The following COL9A1 variants were observed in gnomAD, a reference collection of about 807,000 sequenced individuals.
The protein encoded by COL9A1 is collagen type IX alpha 1 chain.
COL9A1 carries 104 observed loss-of-function variants against 142.6 expected under a neutral mutation model. The ratio of observed to expected loss-of-function variants is 0.73; its 90% confidence interval spans 0.62 to 0.86. The LOEUF is 0.86. COL9A1 is among the 40% of genes least tolerant of loss of function. The pLI, the probability that COL9A1 is intolerant of heterozygous loss-of-function variation, is 0.00. For missense variants in COL9A1, 1,210 were observed against 1,176.6 expected, an observed-to-expected ratio of 1.03 and a Z score of -0.42; for synonymous variants, 466 against 396.0, an observed-to-expected ratio of 1.18 and a Z score of -2.10.
intron 28 of COL9A1, 123 bp downstream of exon 28, chr6:70,251,997 G>A (rs1433858341): frequency 5.9e-6 from 6 of 1,013,190 alleles, no homozygotes; most frequent in Non-Finnish European, 9.5e-6. Context: ...CTCCTTGTGT[G>A]TCTTGGACTA....
At chr6:70,286,768 C>T (rs1271908308) in intron 5 of COL9A1, among the ~76,000 whole-genome samples, 4 of 152,142 alleles carry the variant, frequency 2.6e-5, no homozygotes, top group East Asian at 3.9e-4. Context: ...AGACTAAACC[C>T]GGCTGTTCCA....
chr6:70,266,829 T>C, intron 17 of COL9A1, 59 bp from the exon 18 acceptor site: 1 of 1,387,828 alleles, frequency 7.2e-7, no homozygotes, highest in Non-Finnish European at 1.0e-6. Context: ...ATCAGAAGGC[T>C]CATAAAGTGA....
chr6:70,280,084 T>C (rs1289400122), intron 10 of COL9A1: 2 of 670,082 alleles, frequency 3.0e-6, no homozygotes, highest in Non-Finnish European at 5.6e-6. Context: ...TGAAGTCATT[T>C]TACTCTGAAG....
chr6:70,252,245 G>C lies in COL9A1; in HGVS notation c.1818+17C>G. 1 of 1,614,156 alleles carries C rather than the reference G, an allele frequency of 6.2e-7. No homozygotes were observed. Among genetic ancestry groups the C allele is most frequent in the Middle Eastern group, 1.6e-4 (1 of 6,062 alleles). On this transcript the variant is annotated intron_variant, in intron 27 of 37. Coordinates refer to ENST00000357250, the MANE Select transcript of COL9A1 (RefSeq NM_001851.6). ...ACAACAGGTTAGAACTTCAGGAGAGGTAAAATGGTGTCTTACCGGTTTGCC... is the reference window on the plus strand; with the variant it reads ...ACAACAGGTTAGAACTTCAGGAGAGCTAAAATGGTGTCTTACCGGTTTGCC...
intron 2 of COL9A1, 112 bp downstream of exon 2, chr6:70,301,889 T>G (rs1012965124): frequency 2.7e-5 from 23 of 844,104 alleles, no homozygotes; most frequent in African/African-American, 6.8e-5. Flanking sequence ...GATTGAAGAG[T>G]GAGGGTGTGA....
chr6:70,300,464 A>AAATAG, intron 2 of COL9A1, 78 bp from the exon 3 acceptor site: 1 of 558,594 alleles, frequency 1.8e-6, no homozygotes, highest in Non-Finnish European at 2.7e-6. Flanking sequence ...AAATAAAATA[A>AAATAG]TAATAATAAT....
chr6:70,239,777 T>A (rs9446214), intron 32 of COL9A1, among the ~76,000 whole-genome samples: 11,569 of 152,176 alleles, frequency 0.076, 486 homozygotes, highest in African/African-American at 0.11. Flanking sequence ...CTAATGCTAG[T>A]TATAAACTCA....
chr6:70,280,309 C>A (rs942878031), intron 10 of COL9A1: 15 of 1,216,656 alleles, frequency 1.2e-5, no homozygotes, highest in Middle Eastern at 3.3e-4. Context: ...GTGCATCTTT[C>A]TTTTTCACAT....
intron 17 of COL9A1, among the ~76,000 whole-genome samples, chr6:70,267,868 G>A (rs1217425513): frequency 1.3e-5 from 2 of 152,130 alleles, no homozygotes; most frequent in Admixed American, 6.5e-5. Context: ...GCAGTTGAGG[G>A]AACCCACCAA....
At chr6:70,242,540 A>T in intron 29 of COL9A1, 122 bp downstream of exon 29, 1 of 890,604 alleles carries the variant, frequency 1.1e-6, no homozygotes, top group Non-Finnish European at 1.9e-6. Flanking sequence ...TTGTTCTCAT[A>T]TTCACATAAC....
chr6:70,270,740 C>T (rs963474290), intron 14 of COL9A1, among the ~76,000 whole-genome samples: 1 of 152,176 alleles, frequency 6.6e-6, no homozygotes, highest in African/African-American at 2.4e-5. Flanking sequence ...TTCTGCTAAC[C>T]AGTGCAAAAG....
chr6:70,247,981 G>A (rs148040538), intron 28 of COL9A1, among the ~76,000 whole-genome samples: 10 of 152,304 alleles, frequency 6.6e-5, no homozygotes, highest in African/African-American at 2.4e-4. Context: ...GACTACGAGA[G>A]AAAGTAGACA....
At chr6:70,222,189 A>G (rs969903924) in intron 37 of COL9A1, among the ~76,000 whole-genome samples, 1 of 152,206 alleles carries the variant, frequency 6.6e-6, no homozygotes, top group Non-Finnish European at 1.5e-5. Context: ...GGGAGCAACA[A>G]TAATAACAGT....
intron 23 of COL9A1, 47 bp from the exon 24 acceptor site, chr6:70,255,063 TC>T: frequency 6.2e-7 from 1 of 1,613,570 alleles, no homozygotes; most frequent in South Asian, 1.1e-5. Context: ...ACAGTCACAT[TC>T]TTTTTCCCTT....
chr6:70,221,727 T>C (rs148154183), intron 37 of COL9A1, among the ~76,000 whole-genome samples: 127 of 152,330 alleles, frequency 8.3e-4, no homozygotes, highest in Non-Finnish European at 1.5e-3. Context: ...CCCTAGTGAG[T>C]GCACAAAGAG....
chr6:70,298,128 A>G (rs1383202239), intron 4 of COL9A1, among the ~76,000 whole-genome samples: 1 of 152,262 alleles, frequency 6.6e-6, no homozygotes, highest in Non-Finnish European at 1.5e-5. Context: ...AGGACTTGGG[A>G]GGCAGATTAT....
chr6:70,242,294 C>T, intron 29 of COL9A1: 1 of 581,218 alleles, frequency 1.7e-6, no homozygotes, highest in Non-Finnish European at 3.1e-6. Flanking sequence ...TTCAGTCAAG[C>T]CCCCGCCACC....
intron 12 of COL9A1, among the ~76,000 whole-genome samples, chr6:70,273,760 G>A (rs1772555928): frequency 6.6e-6 from 1 of 152,024 alleles, no homozygotes; most frequent in Admixed American, 6.6e-5. Context: ...CAGGTAAAGA[G>A]GGAATTGTCT....
chr6:70,294,175 A>G lies in COL9A1; in HGVS notation c.688T>C (p.Ser230Pro), dbSNP rs1773758245. Residue 230 changes from serine to proline, a missense_variant, in exon 5 of 38, where the codon TCT becomes CCT. Physicochemically the swap from Ser to Pro is moderately conservative, Grantham distance 74 (BLOSUM62 -1). Transcript: ENST00000357250. Reference protein sequence around the residue: ...LGKLADNPQVSVPFELQWMLI... With the variant: ...LGKLADNPQVPVPFELQWMLI... ...TGTGGTTTTATACTTACTGGAACAG[A>G]AACTTGAGGATTATCTGCAAGTTTT... is the stretch of plus-strand genomic sequence containing the variant. 3 of 1,613,924 alleles carry G rather than the reference A, an allele frequency of 1.9e-6. No homozygotes were observed. The highest frequency in any genetic ancestry group is 2.5e-6 in the Non-Finnish European group (3 of 1,179,920).
Sources: allele counts gnomAD v4.1 joint callset (sites outside exome capture counted in the v4.1 genomes callset), GRCh38; gene constraint gnomAD v4.1.1; transcripts MANE v1.5; gene names NCBI Gene and HGNC (gene_info 2026-07-23, HGNC 2026-07-21).